KPNA3: variants seen among roughly 807,000 people sequenced by gnomAD.
The protein encoded by KPNA3 is importin subunit alpha-4.
In KPNA3, 13 loss-of-function variants were observed where a neutral mutation model predicts 73.8. That is an observed-to-expected ratio of 0.18 (90% CI 0.11 to 0.28). The LOEUF is 0.28. Among genes scored for constraint, KPNA3 ranks in the 10% least tolerant of loss-of-function variants. KPNA3 has a pLI of 1.00. For missense variants in KPNA3, 360 were observed against 618.1 expected (o/e 0.58, Z 4.43); for synonymous variants, 186 against 206.9 (o/e 0.90, Z 0.87).
chr13:49,767,277 C>T (rs1220382796), intron 1 of KPNA3, among the ~76,000 whole-genome samples: 5 of 151,506 alleles, frequency 3.3e-5, no homozygotes, highest in African/African-American at 7.3e-5. Context: ...ACTAGCCAGG[C>T]GTGGTGGCAG....
At chr13:49,768,625 C>A (rs1198637147) in intron 1 of KPNA3, among the ~76,000 whole-genome samples, 1 of 114,160 alleles carries the variant, frequency 8.8e-6, no homozygotes, top group Non-Finnish European at 1.7e-5. Context: ...CCTCTCCTGG[C>A]ATTTAGGTTC....
intron 12 of KPNA3, among the ~76,000 whole-genome samples, chr13:49,706,600 T>C (rs1954209406): frequency 1.3e-5 from 2 of 152,206 alleles, no homozygotes; most frequent in Admixed American, 1.3e-4. Flanking sequence ...TTCATTAATA[T>C]ATAGGCCTAC....
chr13:49,788,411 G>C (rs567940943), intron 1 of KPNA3, among the ~76,000 whole-genome samples: 1 of 152,258 alleles, frequency 6.6e-6, no homozygotes, highest in African/African-American at 2.4e-5. Context: ...TACATGAAAA[G>C]GTCTAGCATT....
chr13:49,754,403 C>T (rs1168028410), intron 1 of KPNA3, among the ~76,000 whole-genome samples: 1 of 151,834 alleles, frequency 6.6e-6, no homozygotes, highest in African/African-American at 2.4e-5. Flanking sequence ...TGAAGTAGAG[C>T]AGAAAAGAGG....
intron 11 of KPNA3, 130 bp downstream of exon 11, chr13:49,710,761 A>T: frequency 1.2e-6 from 1 of 809,574 alleles, no homozygotes; most frequent in Non-Finnish European, 1.9e-6. Flanking sequence ...CAACAAAATC[A>T]GGCTCAGGGA....
chr13:49,726,676 C>A (rs1473227120), intron 6 of KPNA3, among the ~76,000 whole-genome samples: 1 of 152,154 alleles, frequency 6.6e-6, no homozygotes, highest in Non-Finnish European at 1.5e-5. Flanking sequence ...CATGTTGGGG[C>A]TTACACCTGT....
chr13:49,787,206 T>G (rs2137609664), intron 1 of KPNA3, among the ~76,000 whole-genome samples: 1 of 152,294 alleles, frequency 6.6e-6, no homozygotes, highest in South Asian at 2.1e-4. Context: ...AAAGCTTAAG[T>G]GTTAAGCCCA....
chr13:49,730,129 T>C (rs533231620), intron 6 of KPNA3, among the ~76,000 whole-genome samples: 1 of 152,222 alleles, frequency 6.6e-6, no homozygotes, highest in African/African-American at 2.4e-5. Context: ...TATTTTAGCA[T>C]ATTTTTCTGT....
chr13:49,792,582 GA>G lies in KPNA3; in HGVS notation c.-77del. On this transcript the variant is annotated 5_prime_UTR_variant, in exon 1 of 17. Coordinates refer to ENST00000261667, the MANE Select transcript of KPNA3 (RefSeq NM_002267.4). ...GCGGCGAATCTTGGAGCGGGAGGGGGAGGAGGGGGAGAGCGGGAGGGGGGAG... is the reference window on the plus strand; with the variant it reads ...GCGGCGAATCTTGGAGCGGGAGGGGGGGAGGGGGAGAGCGGGAGGGGGGAG... 1 of 650,822 alleles carries G rather than the reference GA, an allele frequency of 1.5e-6. No homozygotes were observed. The highest frequency in any genetic ancestry group is 2.6e-6 in the Non-Finnish European group (1 of 391,526). The allele number at this position is 650,822 out of a possible 1,614,324, so 40.3% of individuals were successfully genotyped here.
chr13:49,787,302 A>G (rs1021116344), intron 1 of KPNA3, among the ~76,000 whole-genome samples: 7 of 152,238 alleles, frequency 4.6e-5, no homozygotes, highest in Non-Finnish European at 7.3e-5. Context: ...AAAAAGATAA[A>G]AAGGCAAATA....
chr13:49,752,566 AACTCAGAAATGAGGTCCTAGC>A (rs1157130156), intron 1 of KPNA3, among the ~76,000 whole-genome samples: 2 of 152,186 alleles, frequency 1.3e-5, no homozygotes, highest in African/African-American at 4.8e-5. Context: ...GAATTAGAAA[AACTCAGAAATGAGGTCCTAGC>A]AATCAAAAAA....
intron 1 of KPNA3, among the ~76,000 whole-genome samples, chr13:49,755,232 AAT>A (rs1471512203): frequency 4.6e-5 from 7 of 152,222 alleles, no homozygotes; most frequent in Non-Finnish European, 7.3e-5. Flanking sequence ...AAACCATACT[AAT>A]AGACTAATGA....
intron 6 of KPNA3, among the ~76,000 whole-genome samples, chr13:49,726,054 G>C (rs890884181): frequency 2.0e-5 from 3 of 152,046 alleles, no homozygotes. Flanking sequence ...CCTTGACTTC[G>C]ACTTCCTCTC....
chr13:49,726,010 ACTG>A (rs1954406039), intron 6 of KPNA3, among the ~76,000 whole-genome samples: 1 of 152,176 alleles, frequency 6.6e-6, no homozygotes, highest in Non-Finnish European at 1.5e-5. Context: ...CTTTATGTCC[ACTG>A]GTATTACAAC....
intron 2 of KPNA3, among the ~76,000 whole-genome samples, chr13:49,737,941 T>C (rs1243445796): frequency 6.6e-6 from 1 of 152,228 alleles, no homozygotes; most frequent in Non-Finnish European, 1.5e-5. Context: ...AATTTATCAA[T>C]TGTTTCTTTT....
At chr13:49,762,714 G>A (rs1314946380) in intron 1 of KPNA3, among the ~76,000 whole-genome samples, 1 of 152,020 alleles carries the variant, frequency 6.6e-6, no homozygotes, top group Non-Finnish European at 1.5e-5. Flanking sequence ...AGTACCCAGG[G>A]ACACAAACAC....
rs1300077177 is a variant in KPNA3 at position 49,704,441 on chromosome 13, ATAAATAAAT to A, written c.1372+1171_1372+1179del. Among the ~76,000 whole-genome samples, 12 of 6,436 alleles carry A rather than the reference ATAAATAAAT, an allele frequency of 1.9e-3. 1 individual carries two copies. The highest frequency in any genetic ancestry group is 3.0e-3 in the Non-Finnish European group (11 of 3,644). The allele number at this position is 6,436 out of a possible 152,430, so 4.2% of individuals were successfully genotyped here. ...AAAAAAATAAATAAATAAAAAATAA[ATAAATAAAT>A]AAATAAATAAATAAATAAATAAATA... On this transcript the variant is annotated intron_variant, in intron 15 of 16. Coordinates refer to ENST00000261667, the MANE Select transcript of KPNA3 (RefSeq NM_002267.4).
intron 7 of KPNA3, among the ~76,000 whole-genome samples, chr13:49,724,259 T>G (rs1481231651): frequency 6.6e-6 from 1 of 152,180 alleles, no homozygotes; most frequent in African/African-American, 2.4e-5. Flanking sequence ...TATGTTTTCA[T>G]ATCTCTTGGT....
intron 1 of KPNA3, among the ~76,000 whole-genome samples, chr13:49,747,300 G>A (rs1169480886): frequency 6.6e-6 from 1 of 152,066 alleles, no homozygotes; most frequent in Non-Finnish European, 1.5e-5. Context: ...AAGCCGAGGT[G>A]GCGCCAGTGC....
Sources: allele counts gnomAD v4.1 joint callset (sites outside exome capture counted in the v4.1 genomes callset), GRCh38; gene constraint gnomAD v4.1.1; transcripts MANE v1.5; gene names NCBI Gene and HGNC (gene_info 2026-07-23, HGNC 2026-07-21).